The following SCN8A variants were observed in gnomAD, a reference collection of about 807,000 sequenced individuals.
SCN8A encodes the protein sodium voltage-gated channel alpha subunit 8, also known as sodium channel protein type 8 subunit alpha.
SCN8A carries 30 observed loss-of-function variants against 184.1 expected under a neutral mutation model. The ratio of observed to expected loss-of-function variants is 0.16; its 90% CI spans 0.12 to 0.22. The LOEUF (loss-of-function observed/expected upper bound fraction) is 0.22, where lower values mean the gene tolerates loss of function less well. Among genes scored for constraint, SCN8A ranks in the 10% least tolerant of loss-of-function variants. The pLI is 1.00. For synonymous variants in SCN8A, 852 were observed against 907.0 expected (o/e 0.94, Z 1.09); for missense variants, 1,057 against 2,498.9 (o/e 0.42, Z 12.30).
chr12:51,741,525 C>CG (rs1565907017), intron 12 of SCN8A, among the ~76,000 whole-genome samples: 1 of 151,950 alleles, frequency 6.6e-6, no homozygotes, highest in Non-Finnish European at 1.5e-5. Flanking sequence ...GGTTGTTTTG[C>CG]GGTCTTCTTT....
chr12:51,684,327 A>C, intron 3 of SCN8A, 35 bp downstream of exon 3: 1 of 975,120 alleles, frequency 1.0e-6, no homozygotes, highest in Non-Finnish European at 1.7e-6. Context: ...TGAGTGCGGC[A>C]ATTGCATGGT....
intron 1 of SCN8A, among the ~76,000 whole-genome samples, chr12:51,595,914 T>C (rs1939338490): frequency 6.6e-6 from 1 of 152,196 alleles, no homozygotes; most frequent in Non-Finnish European, 1.5e-5. Flanking sequence ...TACTGTACAA[T>C]TGCTCTGCTG....
rs550306336 is a variant in SCN8A, at chr12:51,781,054, G to A, written c.3942+283G>A. Among the ~76,000 whole-genome samples the A allele has an allele frequency of 5.9e-5, 9 of 152,224 alleles. No individual in the cohort carries two copies. In the South Asian group the frequency reaches 1.2e-3, roughly 21 times the overall value. On this transcript the variant is annotated intron_variant, in intron 21 of 26. Coordinates refer to ENST00000627620, the MANE Select transcript of SCN8A (RefSeq NM_001330260.2). ...CTGGCTTACCTGTAGCACTCGGGGC[G>A]GCTTTCTGGGCTGTTGATTTAATAG...
chr12:51,714,134 G>A (rs940490818), intron 11 of SCN8A, among the ~76,000 whole-genome samples: 1 of 152,256 alleles, frequency 6.6e-6, no homozygotes, highest in African/African-American at 2.4e-5. Context: ...ATACAGATAT[G>A]TAGTGGAAAA....
intron 11 of SCN8A, chr12:51,713,398 G>T: frequency 2.2e-6 from 2 of 924,214 alleles, no homozygotes; most frequent in Non-Finnish European, 3.6e-6. Context: ...TTTTGTTTGG[G>T]GGTCTCTCAT....
At chr12:51,593,990 A>G (rs887351888) in intron 1 of SCN8A, among the ~76,000 whole-genome samples, 2 of 152,240 alleles carry the variant, frequency 1.3e-5, no homozygotes, top group African/African-American at 4.8e-5. Context: ...AAACTGGATC[A>G]GGAGAGCGTC....
chr12:51,591,262 A>T lies in SCN8A; in HGVS notation c.-152A>T, dbSNP rs1160021650. ...AGCGCTCCAAGATGGCGCCCACCGC[A>T]GTCCCGCCCGCCGCATCCTCGGCGC... is the stretch of plus-strand genomic sequence containing the variant. On this transcript the variant is annotated 5_prime_UTR_variant, in exon 1 of 27. Coordinates refer to ENST00000627620, the MANE Select transcript of SCN8A (RefSeq NM_001330260.2). 1 of 152,368 alleles carries T rather than the reference A, an allele frequency of 6.6e-6. No individual in the cohort carries two copies. The highest frequency in any genetic ancestry group is 2.4e-5 in the African/African-American group (1 of 41,280). The allele number at this position is 152,368 out of a possible 1,614,324, so 9.4% of individuals were successfully genotyped here.
intron 11 of SCN8A, among the ~76,000 whole-genome samples, chr12:51,720,582 T>G (rs1322191625): frequency 6.6e-6 from 1 of 151,836 alleles, no homozygotes; most frequent in Non-Finnish European, 1.5e-5. Flanking sequence ...TATGCACATG[T>G]ACCCTAGAAC....
At chr12:51,682,758 A>C (rs1441448871) in intron 2 of SCN8A, among the ~76,000 whole-genome samples, 2 of 152,198 alleles carry the variant, frequency 1.3e-5, no homozygotes, top group Non-Finnish European at 2.9e-5. Context: ...AGGACTGTGT[A>C]TCTGCCACTG....
At chr12:51,733,104 G>C (rs1298344088) in intron 12 of SCN8A, among the ~76,000 whole-genome samples, 3 of 152,118 alleles carry the variant, frequency 2.0e-5, no homozygotes, top group Non-Finnish European at 2.9e-5. Context: ...GAGTAACAGT[G>C]GTGAAAGTGA....
intron 1 of SCN8A, among the ~76,000 whole-genome samples, chr12:51,591,762 G>C (rs994085436): frequency 6.6e-6 from 1 of 152,028 alleles, no homozygotes; most frequent in South Asian, 2.1e-4. Flanking sequence ...CAGCGCTGTC[G>C]GGATCTTCCT....
intron 1 of SCN8A, among the ~76,000 whole-genome samples, chr12:51,633,128 C>T (rs981793087): frequency 1.3e-5 from 2 of 152,174 alleles, no homozygotes; most frequent in African/African-American, 4.8e-5. Flanking sequence ...GTTTTCCAAG[C>T]TGTGGAAGAG....
intron 2 of SCN8A, among the ~76,000 whole-genome samples, chr12:51,677,672 A>C (rs1250383726): frequency 1.3e-5 from 2 of 152,184 alleles, no homozygotes; most frequent in Non-Finnish European, 2.9e-5. Flanking sequence ...CAAGCCCCAC[A>C]TTGCTAATTA....
At chr12:51,685,452 A>G (rs1178034918) in intron 3 of SCN8A, among the ~76,000 whole-genome samples, 1 of 152,202 alleles carries the variant, frequency 6.6e-6, no homozygotes, top group Non-Finnish European at 1.5e-5. Flanking sequence ...AGTTTGAGTA[A>G]CTTGTGCTGA....
Position 51,780,673 on chromosome 12 carries a change from A to G in SCN8A, c.3844A>G (p.Asn1282Asp). 6.4e-7 allele frequency: 1 copy of G among 1,559,936 alleles called. No individual in the cohort carries two copies. Among genetic ancestry groups the G allele is most frequent in the Non-Finnish European group, 8.6e-7 (1 of 1,156,778 alleles). The part of the protein sequence containing the change: ...VAVSLVSLIA[N>D]ALGYSELGAI... ...GGTCTCTTTAGTCAGCCTTATAGCT[A>G]ATGCCCTGGGCTACTCGGAACTAGG... The change falls in exon 21 of 27, where the codon AAT becomes GAT. Residue 1282 changes from asparagine (N) to aspartate (D), a missense_variant. By Grantham distance (23) the Asn-to-Asp change is conservative (BLOSUM62 1). Coordinates refer to ENST00000627620, the MANE Select transcript of SCN8A (RefSeq NM_001330260.2).
At chr12:51,618,402 G>A (rs1939886965) in intron 1 of SCN8A, among the ~76,000 whole-genome samples, 1 of 151,254 alleles carries the variant, frequency 6.6e-6, no homozygotes, top group Admixed American at 6.6e-5. Flanking sequence ...CTGTGCTTGG[G>A]GCACAGTTCT....
intron 13 of SCN8A, among the ~76,000 whole-genome samples, chr12:51,750,215 C>T (rs1402385946): frequency 6.6e-6 from 1 of 152,122 alleles, no homozygotes; most frequent in Non-Finnish European, 1.5e-5. Flanking sequence ...AGAAATCTAT[C>T]CAAGTGGGCT....
intron 11 of SCN8A, among the ~76,000 whole-genome samples, chr12:51,714,223 A>G (rs996894877): frequency 1.3e-5 from 2 of 152,210 alleles, no homozygotes; most frequent in Non-Finnish European, 2.9e-5. Context: ...AACAGTGACA[A>G]TTATTTAAAC....
intron 12 of SCN8A, among the ~76,000 whole-genome samples, chr12:51,728,562 C>T (rs755326146): frequency 3.3e-5 from 5 of 151,926 alleles, no homozygotes; most frequent in Non-Finnish European, 7.4e-5. Context: ...AGTGAGACCT[C>T]ATCTCTTCAA....
Sources: allele counts gnomAD v4.1 joint callset (sites outside exome capture counted in the v4.1 genomes callset), GRCh38; gene constraint gnomAD v4.1.1; transcripts MANE v1.5; gene names NCBI Gene and HGNC (gene_info 2026-07-23, HGNC 2026-07-21).